Variants in EYS observed in about 807,000 individuals in gnomAD.
EYS encodes the protein EGF-like photoreceptor maintenance factor.
A neutral mutation model predicts 282.1 loss-of-function variants in EYS; 250 were observed. The observed-to-expected ratio is 0.89, with a 90% confidence interval of 0.80 to 0.98. The LOEUF (loss-of-function observed/expected upper bound fraction) is 0.98. Among genes scored for constraint, EYS ranks in the 50% least tolerant of loss-of-function variants. The probability of loss-of-function intolerance (pLI) is 0.00; values close to 1 mark genes in which losing one functional copy is unlikely to be tolerated. For missense variants in EYS, 4,016 were observed against 3,709.0 expected (o/e 1.08, Z -2.15); for synonymous variants, 1,355 against 1,282.9 (o/e 1.06, Z -1.20).
intron 12 of EYS, among the ~76,000 whole-genome samples, chr6:65,086,773 G>GATATATAT (rs1476014629): frequency 6.6e-6 from 1 of 151,542 alleles, no homozygotes; most frequent in African/African-American, 2.4e-5. Flanking sequence ...CATAAATACA[G>GATATATAT]ATATATATGT....
intron 26 of EYS, among the ~76,000 whole-genome samples, chr6:64,442,761 G>T (rs1029247750): frequency 6.6e-6 from 1 of 152,206 alleles, no homozygotes. Flanking sequence ...GAGCCTGCAG[G>T]TGCACAGAAG....
intron 12 of EYS, among the ~76,000 whole-genome samples, chr6:65,188,793 A>G (rs989208790): frequency 3.3e-5 from 5 of 150,318 alleles, no homozygotes; most frequent in African/African-American, 1.2e-4. Context: ...AGATGAAGGA[A>G]GAGGGCCAGG....
intron 26 of EYS, among the ~76,000 whole-genome samples, chr6:64,582,836 A>G (rs577619602): frequency 1.8e-4 from 27 of 152,234 alleles, no homozygotes; most frequent in African/African-American, 6.5e-4. Flanking sequence ...ACAACACAAA[A>G]GCACGGGGCT....
At chr6:65,325,639 TGAG>T (rs753746270) in intron 11 of EYS, among the ~76,000 whole-genome samples, 1 of 152,150 alleles carries the variant, frequency 6.6e-6, no homozygotes, top group East Asian at 1.9e-4. Flanking sequence ...CAGGGGACTG[TGAG>T]GAGGAGAAGG....
chr6:65,451,159 A>G (rs141184917), intron 5 of EYS, among the ~76,000 whole-genome samples: 2,132 of 152,140 alleles, frequency 0.014, 16 homozygotes, highest in South Asian at 0.023. Context: ...AGATTTCTAG[A>G]TTAATAGAAA....
chr6:65,259,285 T>C (rs1219428771), intron 12 of EYS, among the ~76,000 whole-genome samples: 1 of 152,022 alleles, frequency 6.6e-6, no homozygotes, highest in Admixed American at 6.6e-5. Flanking sequence ...ACAAATGAAG[T>C]TGCAATAAAC....
At position 64,722,479 on chromosome 6, in the gene EYS, C is replaced by A. The variant is rs1324916854; in HGVS notation, c.3443+90899G>T. 4.6e-5 allele frequency among the ~76,000 whole-genome samples: 7 copies of A among 151,152 alleles called. No individual in the cohort carries two copies. In the East Asian group the frequency reaches 1.4e-3, roughly 30 times the overall value. Reference sequence around the variant, plus strand: ...AAACAAAGCAAAGGAAGACAACATTCTACCACCTGTAAAATAGTATTTTCA... The same window carrying A: ...AAACAAAGCAAAGGAAGACAACATTATACCACCTGTAAAATAGTATTTTCA... On this transcript the variant is annotated intron_variant, in intron 22 of 42. Coordinates refer to ENST00000503581, the MANE Select transcript of EYS (RefSeq NM_001142800.2).
In EYS at chr6:65,232,805, T is replaced by G. The variant is rs191003806; in HGVS notation, c.2023+63058A>C. Among the ~76,000 whole-genome samples the G allele has an allele frequency of 1.7e-4, 26 of 152,264 alleles. No individual in the cohort carries two copies. In the East Asian group the frequency reaches 4.8e-3, roughly 28 times the overall value. ...ACATATGAATTTGGGTGGGGAGTGATAATTTGACCCATAATAACCCTCAAG... is the reference window on the plus strand; with the variant it reads ...ACATATGAATTTGGGTGGGGAGTGAGAATTTGACCCATAATAACCCTCAAG... On this transcript the variant is annotated intron_variant, in intron 12 of 42. Coordinates refer to ENST00000503581, the MANE Select transcript of EYS (RefSeq NM_001142800.2).
intron 11 of EYS, among the ~76,000 whole-genome samples, chr6:65,306,787 C>T (rs1444875054): frequency 1.9e-5 from 2 of 107,784 alleles, no homozygotes; most frequent in East Asian, 6.1e-4. Context: ...GAGCTGAGAT[C>T]GTGCCACTGC....
chr6:64,459,628 A>C (rs1343787383), intron 26 of EYS, among the ~76,000 whole-genome samples: 1 of 152,150 alleles, frequency 6.6e-6, no homozygotes, highest in Admixed American at 6.5e-5. Context: ...CACTGGTGTA[A>C]GTCCAAGAAT....
intron 12 of EYS, among the ~76,000 whole-genome samples, chr6:65,220,854 T>G (rs1046795122): frequency 5.9e-5 from 9 of 152,028 alleles, no homozygotes; most frequent in Non-Finnish European, 1.3e-4. Flanking sequence ...GTTGAGGTGC[T>G]TTGAGATGGA....
chr6:64,447,370 G>C (rs999149414), intron 26 of EYS, among the ~76,000 whole-genome samples: 1 of 151,958 alleles, frequency 6.6e-6, no homozygotes, highest in Admixed American at 6.6e-5. Flanking sequence ...CCCACTAATA[G>C]AGCAGGATAA....
chr6:64,845,310 A>C lies in EYS; in HGVS notation c.2993-22488T>G, dbSNP rs116081441. 1.9e-3 allele frequency among the ~76,000 whole-genome samples: 294 copies of C among 152,068 alleles called. 1 individual carries two copies. The highest frequency in any genetic ancestry group is 6.7e-3 in the African/African-American group (280 of 41,526). The stretch of plus-strand genomic sequence containing the variant: ...TATCTAAAAAAAAAATTAAAAATAA[A>C]ATTTAAAATATATAATTAGAATCCA... On this transcript the variant is annotated intron_variant, in intron 19 of 42. Transcript: ENST00000503581.
At chr6:64,922,630 TG>T in intron 15 of EYS, among the ~76,000 whole-genome samples, 1 of 152,338 alleles carries the variant, frequency 6.6e-6, no homozygotes, top group Admixed American at 6.5e-5. Context: ...ATAAATTAAA[TG>T]CCAGTATTCA....
At chr6:65,354,282 G>A (rs926394830) in intron 8 of EYS, among the ~76,000 whole-genome samples, 2 of 152,038 alleles carry the variant, frequency 1.3e-5, no homozygotes, top group African/African-American at 4.8e-5. Context: ...TCTCTTTAGA[G>A]CATACCCCTC....
At chr6:64,971,516 T>C (rs1277835151) in intron 14 of EYS, among the ~76,000 whole-genome samples, 1 of 152,166 alleles carries the variant, frequency 6.6e-6, no homozygotes, top group African/African-American at 2.4e-5. Context: ...CATGAAGGCC[T>C]GGACAATGAG....
At chr6:64,461,197 C>G (rs1036297762) in intron 26 of EYS, among the ~76,000 whole-genome samples, 4 of 152,142 alleles carry the variant, frequency 2.6e-5, no homozygotes, top group African/African-American at 9.7e-5. Context: ...GCTTATTGAC[C>G]ACTAACATTT....
chr6:64,369,738 C>CTG (rs1772296055), intron 29 of EYS, among the ~76,000 whole-genome samples: 1 of 151,964 alleles, frequency 6.6e-6, no homozygotes, highest in African/African-American at 2.4e-5. Context: ...AGTCTTTGTC[C>CTG]TAAAGCTCTA....
intron 15 of EYS, among the ~76,000 whole-genome samples, chr6:64,944,430 C>T (rs1168858020): frequency 6.6e-6 from 1 of 152,082 alleles, no homozygotes; most frequent in African/African-American, 2.4e-5. Flanking sequence ...AAACAGACAA[C>T]TGACAGAATG....
Sources: allele counts gnomAD v4.1 joint callset (sites outside exome capture counted in the v4.1 genomes callset), GRCh38; gene constraint gnomAD v4.1.1; transcripts MANE v1.5; gene names NCBI Gene and HGNC (gene_info 2026-07-23, HGNC 2026-07-21).